The following CCDC178 variants were observed in gnomAD, a reference collection of about 807,000 sequenced individuals.
CCDC178 encodes the protein coiled-coil domain containing 178.
Under a neutral mutation model 117.4 loss-of-function variants are expected in CCDC178, and 126 were observed. The ratio of observed to expected loss-of-function variants is 1.07; its 90% CI spans 0.93 to 1.24. The LOEUF (loss-of-function observed/expected upper bound fraction) is 1.24. Ranked by LOEUF, CCDC178 falls within the 50% of genes most tolerant of loss-of-function variation. The pLI is 0.00. For missense variants in CCDC178, 1,030 were observed against 986.9 expected (o/e 1.04, Z -0.59); for synonymous variants, 283 against 313.4 (o/e 0.90, Z 1.02).
chr18:33,247,611 C>T (rs2059566538), intron 14 of CCDC178, among the ~76,000 whole-genome samples: 2 of 151,648 alleles, frequency 1.3e-5, no homozygotes, highest in African/African-American at 4.8e-5. Context: ...ATGTGTGGCA[C>T]GTTTGTGTCT....
At chr18:33,344,080 G>T (rs990309393) in intron 9 of CCDC178, among the ~76,000 whole-genome samples, 58 of 151,492 alleles carry the variant, frequency 3.8e-4, no homozygotes, top group African/African-American at 1.4e-3. Context: ...CGAGGCGGGT[G>T]GATCATGAGG....
At chr18:33,342,715 T>C (rs2062832379) in intron 9 of CCDC178, among the ~76,000 whole-genome samples, 1 of 152,196 alleles carries the variant, frequency 6.6e-6, no homozygotes, top group Non-Finnish European at 1.5e-5. Context: ...ATCTGCGGCC[T>C]GAAGAAGAGC....
chr18:33,019,427 G>A (rs2056065726), intron 21 of CCDC178, among the ~76,000 whole-genome samples: 1 of 152,114 alleles, frequency 6.6e-6, no homozygotes, highest in Non-Finnish European at 1.5e-5. Flanking sequence ...CTTATCCTAG[G>A]TTGTCCAAGA....
chr18:33,031,332 A>T (rs1485534319), intron 21 of CCDC178, among the ~76,000 whole-genome samples: 2 of 151,606 alleles, frequency 1.3e-5, no homozygotes, highest in Non-Finnish European at 2.9e-5. Flanking sequence ...TCATAGCCTT[A>T]AACTCCTGGC....
intron 15 of CCDC178, among the ~76,000 whole-genome samples, chr18:33,231,416 G>T (rs1196260409): frequency 6.6e-6 from 1 of 152,050 alleles, no homozygotes; most frequent in Non-Finnish European, 1.5e-5. Context: ...ACAATGCATG[G>T]GGCTCAATGA....
At position 33,211,972 on chromosome 18, in the gene CCDC178, TCA is replaced by T; in HGVS notation, c.2160_2161del (p.Cys720Ter). On this transcript the variant is annotated stop_gained and frameshift_variant, in exon 20 of 23. Coordinates refer to ENST00000383096, the MANE Select transcript of CCDC178 (RefSeq NM_001105528.4). LOFTEE classifies it high-confidence loss of function. The stretch of plus-strand genomic sequence containing the variant: ...CTGATCTTCCTCAAAGATTCTCTCT[TCA>T]CAGTCTTTTTTCTCTTGCATATAAT... The T allele has an allele frequency of 1.2e-6, 2 of 1,610,044 alleles. No homozygotes were observed. Among genetic ancestry groups the T allele is most frequent in the Non-Finnish European group, 1.7e-6 (2 of 1,177,774 alleles).
intron 20 of CCDC178, among the ~76,000 whole-genome samples, chr18:33,172,511 TTTATAA>T (rs1213295500): frequency 1.3e-5 from 2 of 152,040 alleles, no homozygotes; most frequent in African/African-American, 4.8e-5. Flanking sequence ...TACATTTATA[TTTATAA>T]TTATATAGTT....
chr18:33,253,700 C>T (rs1299800429), intron 14 of CCDC178, among the ~76,000 whole-genome samples: 2 of 151,714 alleles, frequency 1.3e-5, no homozygotes, highest in African/African-American at 2.4e-5. Flanking sequence ...AAATCTTCTG[C>T]AACATGTCAG....
intron 21 of CCDC178, among the ~76,000 whole-genome samples, chr18:33,054,659 T>A (rs1232815632): frequency 6.6e-6 from 1 of 152,248 alleles, no homozygotes; most frequent in Non-Finnish European, 1.5e-5. Context: ...ATTTTCTTTA[T>A]CCAGTTTATC....
At chr18:33,371,780 T>TACACACAC (rs1165317447) in intron 5 of CCDC178, among the ~76,000 whole-genome samples, 2 of 68,132 alleles carry the variant, frequency 2.9e-5, no homozygotes, top group African/African-American at 8.9e-5. Flanking sequence ...TTCATAAACA[T>TACACACAC]ATATACACAC....
rs777137753 is a variant in CCDC178, at chr18:33,397,163, G to T, written c.104C>A (p.Ser35Ter). Residue 35 changes from serine (S) to a stop codon, truncating the protein, a stop_gained, in exon 4 of 23, where the codon TCA becomes TAA. Transcript: ENST00000383096. LOFTEE classifies it high-confidence loss of function. Reference protein sequence around the residue: ...EVKALREKAWSRTNEGNAMSQ... With the variant: ...EVKALREKAW The stretch of plus-strand genomic sequence containing the variant: ...CTGTTGGATACCTTCATTTGTCCTT[G>T]ACCATGCCTTCTCTCTGAGAGCCTT... The T allele has an allele frequency of 6.2e-7, 1 of 1,603,964 alleles. No homozygotes were observed. Among genetic ancestry groups the T allele is most frequent in the South Asian group, 1.1e-5 (1 of 90,598 alleles).
intron 11 of CCDC178, among the ~76,000 whole-genome samples, chr18:33,303,007 T>C (rs749665081): frequency 6.6e-6 from 1 of 152,116 alleles, no homozygotes; most frequent in Non-Finnish European, 1.5e-5. Context: ...AGGAGAAGGA[T>C]TTGGAATGTT....
At chr18:33,200,402 T>G (rs927501899) in intron 20 of CCDC178, among the ~76,000 whole-genome samples, 4 of 152,172 alleles carry the variant, frequency 2.6e-5, no homozygotes, top group Non-Finnish European at 5.9e-5. Context: ...TCTGCGAAGT[T>G]TAGTGCGATG....
intron 20 of CCDC178, among the ~76,000 whole-genome samples, chr18:33,169,836 G>A (rs1292228111): frequency 3.3e-5 from 5 of 152,110 alleles, no homozygotes; most frequent in African/African-American, 1.2e-4. Context: ...ATTATTGAAT[G>A]TGACTTGGTT....
chr18:33,074,223 A>G (rs78572341), intron 21 of CCDC178, among the ~76,000 whole-genome samples: 3,685 of 152,038 alleles, frequency 0.024, 73 homozygotes, highest in East Asian at 0.1. Context: ...TAAAATGTGC[A>G]TATATATTAA....
chr18:33,056,873 G>A lies in CCDC178; in HGVS notation c.2388+35888C>T, dbSNP rs142822446. 4.0e-3 allele frequency among the ~76,000 whole-genome samples: 614 copies of A among 151,952 alleles called. 1 individual carries two copies. The highest frequency in any genetic ancestry group is 0.024 in the Middle Eastern group (7 of 294). ...GGATGAGCTCAGTTTTGCCAAAAGA[G>A]GGTCTGGAATTGTAGATATCATAAA... On this transcript the variant is annotated intron_variant, in intron 21 of 22. Coordinates refer to ENST00000383096, the MANE Select transcript of CCDC178 (RefSeq NM_001105528.4).
At chr18:33,299,832 A>G (rs1304279785) in intron 11 of CCDC178, among the ~76,000 whole-genome samples, 1 of 152,024 alleles carries the variant, frequency 6.6e-6, no homozygotes, top group African/African-American at 2.4e-5. Context: ...ACCTTAACAG[A>G]TATTTCTCAA....
In CCDC178 at chr18:33,179,081, ATAT is replaced by A. The variant is rs1568036893; in HGVS notation, c.2238+32812_2238+32814del. On this transcript the variant is annotated intron_variant, in intron 20 of 22. Coordinates refer to ENST00000383096, the MANE Select transcript of CCDC178 (RefSeq NM_001105528.4). ...CAGTAAAAAAAAAAAAAAAAAAAAT[ATAT>A]ATATATATATATATATATATATATA... is the stretch of plus-strand genomic sequence containing the variant. Among the ~76,000 whole-genome samples the A allele has an allele frequency of 2.9e-3, 178 of 62,064 alleles. 12 individuals carry two copies. The highest frequency in any genetic ancestry group is 7.9e-3 in the African/African-American group (81 of 10,280). The allele number at this position is 62,064 out of a possible 152,430, so 40.7% of individuals were successfully genotyped here. A position where few individuals can be genotyped will look rare whatever the true frequency, so the allele number is the denominator to read the frequency against.
intron 12 of CCDC178, among the ~76,000 whole-genome samples, chr18:33,292,512 G>A (rs936731469): frequency 3.9e-5 from 6 of 152,036 alleles, no homozygotes; most frequent in African/African-American, 1.2e-4. Context: ...CTTTAGCACT[G>A]TAGAGTGACT....
Sources: allele counts gnomAD v4.1 joint callset (sites outside exome capture counted in the v4.1 genomes callset), GRCh38; gene constraint gnomAD v4.1.1; transcripts MANE v1.5; gene names NCBI Gene and HGNC (gene_info 2026-07-23, HGNC 2026-07-21).